The following MROH1 variants were observed in gnomAD, a reference collection of about 807,000 sequenced individuals.
MROH1 encodes maestro heat-like repeat-containing protein family member 1.
Under a neutral mutation model 116.5 loss-of-function variants are expected in MROH1, and 117 were observed. The observed-to-expected ratio is 1.00, with a 90% CI of 0.86 to 1.17. The LOEUF (loss-of-function observed/expected upper bound fraction) is 1.17. MROH1 is among the 50% of genes most tolerant of loss of function. The probability of loss-of-function intolerance (pLI) is 0.00; values close to 1 mark genes in which losing one functional copy is unlikely to be tolerated. For missense variants in MROH1, 1,873 were observed against 1,338.5 expected (o/e 1.40, Z -6.23); for synonymous variants, 921 against 583.9 (o/e 1.58, Z -8.32).
At position 144,259,418 on chromosome 8, in the gene MROH1, G is replaced by C. The variant is rs1475282734; in HGVS notation, c.4044+64G>C. On this transcript the variant is annotated intron_variant, in intron 37 of 43. Coordinates refer to ENST00000326134, the MANE Select transcript of MROH1 (RefSeq NM_032450.3). ...GGGCTCCTGCTCAGGACAGGCACGG[G>C]ATGCCCTTTTCTTACCCCTAAAAGG... 9.8e-6 allele frequency: 7 copies of C among 712,396 alleles called. No individual in the cohort carries two copies. In the African/African-American group the frequency reaches 1.2e-4, roughly 12 times the overall value. 44.1% of individuals were successfully genotyped at this position (712,396 alleles called of 1,614,324 possible).
intron 27 of MROH1, 41 bp from the exon 28 acceptor site, chr8:144,244,403 G>A (rs1302697758): frequency 2.9e-5 from 21 of 728,728 alleles, no homozygotes; most frequent in Non-Finnish European, 4.1e-5. Context: ...TGTAGGCTGC[G>A]GGGTCACTGG....
rs1045758428 is a variant in MROH1, at chr8:144,254,854, G to A, written c.3470G>A (p.Arg1157His). Residue 1157 changes from arginine (R) to histidine (H), a missense_variant, in exon 34 of 44, where the codon CGC becomes CAC. Coordinates refer to ENST00000326134, the MANE Select transcript of MROH1 (RefSeq NM_032450.3). ...MLWRALAVEP[R>H]LAAQVLGLLL... ...TGGCGGGCGCTGGCGGTGGAGCCTC[G>A]CCTAGCTGCCCAGGTCCTGGGGCTG... The A allele has an allele frequency of 5.9e-5, 46 of 777,482 alleles. No homozygotes were observed. In the Middle Eastern group the frequency reaches 8.8e-4, roughly 15 times the overall value. 48.2% of individuals were successfully genotyped at this position (777,482 alleles called of 1,614,324 possible). A position where few individuals can be genotyped will look rare whatever the true frequency, so the allele number is the denominator to read the frequency against.
At chr8:144,209,817 G>A (rs1332468583) in intron 12 of MROH1, among the ~76,000 whole-genome samples, 1 of 147,320 alleles carries the variant, frequency 6.8e-6, no homozygotes, top group African/African-American at 2.5e-5. Flanking sequence ...GAGGTGAGAG[G>A]ATCACCTGAG....
chr8:144,211,530 C>T lies in MROH1; in HGVS notation c.1142-9070C>T, dbSNP rs142500018. 4.8e-4 allele frequency among the ~76,000 whole-genome samples: 73 copies of T among 151,974 alleles called. No homozygotes were observed. In the East Asian group the frequency reaches 0.012, roughly 24 times the overall value. ...CACGAGGTCAGGAGTTCAAGACCAG[C>T]CTGACCAACATGGTGAAACCCCCCT... is the stretch of plus-strand genomic sequence containing the variant. On this transcript the variant is annotated intron_variant, in intron 12 of 43. Transcript: ENST00000326134.
At chr8:144,213,979 A>G (rs185427870) in intron 12 of MROH1, 1 of 151,780 alleles carries the variant, frequency 6.6e-6, no homozygotes, top group Admixed American at 6.6e-5. Flanking sequence ...TGTCCAAAAG[A>G]TGTTCTTCTT....
rs1191347052 is a variant in MROH1, at chr8:144,255,636, G to A, written c.3722G>A (p.Arg1241Gln). 39 of 772,280 alleles carry A rather than the reference G, an allele frequency of 5.0e-5. 1 individual carries two copies. Among genetic ancestry groups the A allele is most frequent in the Admixed American group, 4.5e-4 (26 of 58,028 alleles). The allele number at this position is 772,280 out of a possible 1,614,324, so 47.8% of individuals were successfully genotyped here. Residue 1241 changes from arginine (R) to glutamine (Q), a missense_variant, in exon 35 of 44, where the codon CGG (arginine) becomes CAG (glutamine). Arg to Gln is a conservative substitution (Grantham distance 43). Transcript: ENST00000326134. ...VSCTVGVQLP[R>Q]NLQAQERRGA... Reference sequence around the variant, plus strand: ...TGCACCGTGGGTGTCCAGCTGCCCCGGAACCTGCAGGCCCAGGAAAGGAGG... The same window carrying A: ...TGCACCGTGGGTGTCCAGCTGCCCCAGAACCTGCAGGCCCAGGAAAGGAGG...
In MROH1 at chr8:144,182,360, G is replaced by A. The variant is rs529330180; in HGVS notation, c.562+1837G>A. The stretch of plus-strand genomic sequence containing the variant: ...GGGCAGGCATCCAGTAATTCCTCCC[G>A]GCCAAGGAACCCCTCCAGTAGGAAA... On this transcript the variant is annotated intron_variant, in intron 7 of 43. Transcript: ENST00000326134. The surrounding 1 kb of genome is among the most constrained non-coding windows in gnomAD (Gnocchi z 4.1). 3.3e-5 allele frequency among the ~76,000 whole-genome samples: 5 copies of A among 152,276 alleles called. No individual in the cohort carries two copies. The highest frequency in any genetic ancestry group is 2.1e-4 in the South Asian group (1 of 4,824).
intron 14 of MROH1, among the ~76,000 whole-genome samples, chr8:144,237,331 C>T (rs1840221174): frequency 2.0e-5 from 3 of 152,214 alleles, no homozygotes; most frequent in Admixed American, 6.5e-5. Flanking sequence ...CACACTTGGT[C>T]GGTAGCACCC....
At chr8:144,223,986 C>T (rs1837316401) in intron 14 of MROH1, among the ~76,000 whole-genome samples, 1 of 152,168 alleles carries the variant, frequency 6.6e-6, no homozygotes, top group African/African-American at 2.4e-5. Context: ...AGTGCGTGGT[C>T]GTCAGTGAGG....
chr8:144,258,609 G>A (rs1437714259), intron 35 of MROH1, among the ~76,000 whole-genome samples, 168 bp from the exon 36 acceptor site: 3 of 152,178 alleles, frequency 2.0e-5, no homozygotes, highest in African/African-American at 4.8e-5. Context: ...GGGGAAATGG[G>A]GGGCCTCTAG....
At chr8:144,220,463 A>G in intron 12 of MROH1, 137 bp from the exon 13 acceptor site, 1 of 647,554 alleles carries the variant, frequency 1.5e-6, no homozygotes, top group South Asian at 1.9e-5. Context: ...CCCTGAAGAA[A>G]AGTGGGTATG....
chr8:144,191,268 C>A (rs1416089676), intron 8 of MROH1, among the ~76,000 whole-genome samples: 3 of 152,186 alleles, frequency 2.0e-5, no homozygotes, highest in Non-Finnish European at 4.4e-5. Flanking sequence ...TGAGGTTTCG[C>A]CATGTTGGCC....
chr8:144,250,152 A>G, intron 32 of MROH1, 60 bp from the exon 33 acceptor site: 1 of 738,730 alleles, frequency 1.4e-6, no homozygotes, highest in Non-Finnish European at 2.5e-6. Flanking sequence ...GGGCTGGCGT[A>G]GGTGTGCCCA....
intron 32 of MROH1, among the ~76,000 whole-genome samples, chr8:144,250,002 C>T (rs1452942709): frequency 2.0e-5 from 3 of 152,322 alleles, no homozygotes; most frequent in South Asian, 2.1e-4. Context: ...CCACTTTGCA[C>T]GCAGAATCCA....
At chr8:144,261,634 G>GC (rs1164007897) in intron 43 of MROH1, 21 bp from the exon 44 acceptor site, 5 of 705,626 alleles carry the variant, frequency 7.1e-6, no homozygotes, top group South Asian at 5.9e-5. Flanking sequence ...CCCGCAGGCA[G>GC]CCCCCCTCCT....
intron 3 of MROH1, among the ~76,000 whole-genome samples, chr8:144,164,730 A>C (rs1177801034): frequency 1.3e-5 from 2 of 152,040 alleles, no homozygotes; most frequent in Non-Finnish European, 2.9e-5. Flanking sequence ...TGCTCTCTCC[A>C]GGTTTTCATC....
chr8:144,175,353 C>A (rs925271291), intron 4 of MROH1: 4 of 438,852 alleles, frequency 9.1e-6, no homozygotes, highest in Admixed American at 6.5e-5. Context: ...GCCCCTCCCC[C>A]CCTCCCAGCA....
intron 31 of MROH1, among the ~76,000 whole-genome samples, chr8:144,248,286 A>G (rs1213983718): frequency 3.9e-5 from 6 of 152,152 alleles, no homozygotes; most frequent in Non-Finnish European, 7.4e-5. Context: ...GAGTATTATT[A>G]AAGTATTGCA....
chr8:144,161,701 C>A (rs7816509), intron 2 of MROH1, among the ~76,000 whole-genome samples: 15,877 of 152,252 alleles, frequency 0.1, 2,766 homozygotes, highest in African/African-American at 0.36. Context: ...AGTCCATGTG[C>A]CCATTTGTTT....
Sources: allele counts gnomAD v4.1 joint callset (sites outside exome capture counted in the v4.1 genomes callset), GRCh38; gene constraint gnomAD v4.1.1; non-coding constraint Gnocchi (gnomAD v3.1); transcripts MANE v1.5; gene names NCBI Gene and HGNC (gene_info 2026-07-23, HGNC 2026-07-21).